SPTLC3: variants seen among roughly 807,000 people sequenced by gnomAD.
SPTLC3 encodes the protein serine palmitoyltransferase long chain base subunit 3.
In SPTLC3, 36 loss-of-function variants were observed where a neutral mutation model predicts 59.3. That is an observed-to-expected ratio of 0.61 (90% CI 0.47 to 0.80). The LOEUF (loss-of-function observed/expected upper bound fraction) is 0.80, where lower values mean the gene tolerates loss of function less well. Among genes scored for constraint, SPTLC3 ranks in the 30% least tolerant of loss-of-function variants. SPTLC3 has a pLI of 0.00. For synonymous variants in SPTLC3, 257 were observed against 240.8 expected (o/e 1.07, Z -0.62); for missense variants, 625 against 685.1 (o/e 0.91, Z 0.98).
rs762844709 is a variant in SPTLC3, at chr20:13,009,363, T to C, written c.96T>C (p.Asn32=). 15 of 1,614,006 alleles carry C rather than the reference T, an allele frequency of 9.3e-6. No homozygotes were observed. Among genetic ancestry groups the C allele is most frequent in the South Asian group, 1.1e-5 (1 of 91,072 alleles). Residue 32 remains asparagine (N), a synonymous_variant, in exon 1 of 12, where the codon AAT becomes AAC. Coordinates refer to ENST00000399002, the MANE Select transcript of SPTLC3 (RefSeq NM_018327.4). ...CACAAAGCAGAAACTGCACAAAGAA[T>C]GGAATAGTGAAGGAAGCCCAGGTAA... ...NGSQSRNCTK[N]GIVKEAQQNG...
intron 1 of SPTLC3, among the ~76,000 whole-genome samples, chr20:13,026,553 C>A (rs1055853400): frequency 2.6e-5 from 4 of 152,078 alleles, no homozygotes; most frequent in African/African-American, 9.7e-5. Flanking sequence ...GTGTCCTCGG[C>A]CTGCAGAATC....
intron 1 of SPTLC3, among the ~76,000 whole-genome samples, chr20:13,015,549 T>A (rs1985485678): frequency 6.6e-6 from 1 of 152,140 alleles, no homozygotes; most frequent in African/African-American, 2.4e-5. Flanking sequence ...AGACTCAGGA[T>A]GAAAAATGCA....
At chr20:13,056,574 G>C (rs191594563) in intron 2 of SPTLC3, among the ~76,000 whole-genome samples, 2 of 147,774 alleles carry the variant, frequency 1.4e-5, no homozygotes, top group Non-Finnish European at 3.0e-5. Context: ...TCAGCTTCCC[G>C]AGTGGCTGGG....
intron 1 of SPTLC3, among the ~76,000 whole-genome samples, chr20:13,029,039 G>A (rs75713549): frequency 0.055 from 8,379 of 152,202 alleles, 271 homozygotes; most frequent in South Asian, 0.083. Flanking sequence ...AACAAACTCC[G>A]AAGGAGCCCT....
At chr20:13,080,511 C>CAAAAA (rs3039608) in intron 4 of SPTLC3, among the ~76,000 whole-genome samples, 6 of 122,874 alleles carry the variant, frequency 4.9e-5, no homozygotes, top group African/African-American at 1.3e-4. Flanking sequence ...CATCCATCTC[C>CAAAAA]AAAAAAAAAA....
intron 9 of SPTLC3, among the ~76,000 whole-genome samples, chr20:13,127,864 A>C (rs1172973117): frequency 6.6e-6 from 1 of 152,182 alleles, no homozygotes; most frequent in Non-Finnish European, 1.5e-5. Flanking sequence ...ATGACTCTGC[A>C]TCCTATTGGT....
intron 9 of SPTLC3, among the ~76,000 whole-genome samples, chr20:13,136,797 C>T (rs2038258391): frequency 1.3e-5 from 2 of 150,036 alleles, no homozygotes; most frequent in Admixed American, 1.3e-4. Context: ...AATATTTTCT[C>T]TTTTTAATGT....
chr20:13,046,349 T>C (rs944924777), intron 1 of SPTLC3, among the ~76,000 whole-genome samples: 2 of 152,250 alleles, frequency 1.3e-5, no homozygotes, highest in African/African-American at 4.8e-5. Flanking sequence ...TAGCATGTTC[T>C]GTACAGACTC....
chr20:13,168,388 G>A lies in SPTLC3; in HGVS notation c.*3521G>A, dbSNP rs1337761363. ...AGTAGAGACAAGGTTTTTCCCTGTT[G>A]GTCAGGCTGGTCTCGAACTCCTGAC... On this transcript the variant is annotated 3_prime_UTR_variant, in exon 12 of 12. Coordinates refer to ENST00000399002, the MANE Select transcript of SPTLC3 (RefSeq NM_018327.4). 2 of 151,994 alleles carry A rather than the reference G, an allele frequency of 1.3e-5. No individual in the cohort carries two copies. Among genetic ancestry groups the A allele is most frequent in the Non-Finnish European group, 2.9e-5 (2 of 68,068 alleles). The allele number at this position is 151,994 out of a possible 1,614,324, so 9.4% of individuals were successfully genotyped here.
At chr20:13,025,556 A>G (rs993824776) in intron 1 of SPTLC3, among the ~76,000 whole-genome samples, 6 of 152,142 alleles carry the variant, frequency 3.9e-5, no homozygotes, top group African/African-American at 1.4e-4. Flanking sequence ...AAGATAATGC[A>G]TGCAAAGCCT....
chr20:13,125,141 C>A (rs1177890312), intron 8 of SPTLC3, among the ~76,000 whole-genome samples: 1 of 152,178 alleles, frequency 6.6e-6, no homozygotes, highest in African/African-American at 2.4e-5. Flanking sequence ...CCCAACTGAG[C>A]ACCTGCAGAT....
intron 2 of SPTLC3, among the ~76,000 whole-genome samples, chr20:13,055,065 G>A (rs911729783): frequency 5.9e-5 from 9 of 151,718 alleles, no homozygotes; most frequent in Admixed American, 3.9e-4. Context: ...ATATTTAGGA[G>A]GTATCAATAA....
chr20:13,067,236 T>C (rs1988258410), intron 2 of SPTLC3, among the ~76,000 whole-genome samples: 1 of 152,000 alleles, frequency 6.6e-6, no homozygotes, highest in South Asian at 2.1e-4. Flanking sequence ...CTCTTCTTCC[T>C]GTTGCCCACC....
chr20:13,121,514 TGTGTAGAGAAAACAATCAG>T (rs1224255204), intron 8 of SPTLC3, among the ~76,000 whole-genome samples: 1 of 152,136 alleles, frequency 6.6e-6, no homozygotes, highest in African/African-American at 2.4e-5. Flanking sequence ...TTCAGGCCTG[TGTGTAGAGAAAACAATCAG>T]GGTTTTGAAC....
At chr20:13,150,667 A>G (rs888266430) in intron 9 of SPTLC3, among the ~76,000 whole-genome samples, 1 of 152,186 alleles carries the variant, frequency 6.6e-6, no homozygotes, top group Non-Finnish European at 1.5e-5. Context: ...CAATCATTAA[A>G]TGTGGGATTC....
chr20:13,104,335 G>A (rs1989750420), intron 6 of SPTLC3, among the ~76,000 whole-genome samples: 2 of 152,062 alleles, frequency 1.3e-5, no homozygotes, highest in Non-Finnish European at 1.5e-5. Context: ...TTATGGGGGC[G>A]GTTCCCCCTA....
chr20:13,145,896 T>G (rs1011608722), intron 9 of SPTLC3, among the ~76,000 whole-genome samples: 3 of 152,194 alleles, frequency 2.0e-5, no homozygotes, highest in Non-Finnish European at 4.4e-5. Context: ...GGGAAAGGAC[T>G]CCCTATTTAA....
At chr20:13,105,036 T>G (rs1251347680) in intron 6 of SPTLC3, among the ~76,000 whole-genome samples, 1 of 152,218 alleles carries the variant, frequency 6.6e-6, no homozygotes, top group African/African-American at 2.4e-5. Flanking sequence ...GATGTAAGCA[T>G]GCAGCTTGCT....
chr20:13,021,196 A>G (rs1205340957), intron 1 of SPTLC3, among the ~76,000 whole-genome samples: 1 of 152,026 alleles, frequency 6.6e-6, no homozygotes, highest in East Asian at 1.9e-4. Context: ...CCTCTTTATC[A>G]CTAGCTTTTC....
Sources: gnomAD v4.1 joint callset for allele counts (sites outside exome capture counted in the v4.1 genomes callset) on GRCh38, gnomAD v4.1.1 for gene constraint, MANE v1.5 for transcripts, NCBI Gene and HGNC (gene_info 2026-07-23, HGNC 2026-07-21) for gene names.